The following GREB1 variants were observed in gnomAD, a reference collection of about 807,000 sequenced individuals.
GREB1 encodes growth regulating estrogen receptor binding 1, also known as protein GREB1.
Under a neutral mutation model 200.7 loss-of-function variants are expected in GREB1, and 106 were observed. The ratio of observed to expected loss-of-function variants is 0.53; its 90% CI spans 0.45 to 0.62. The LOEUF (loss-of-function observed/expected upper bound fraction) is 0.62. GREB1 is among the 20% of genes least tolerant of loss of function. GREB1 has a pLI of 0.00. For synonymous variants in GREB1, 1,132 were observed against 1,092.4 expected (o/e 1.04, Z -0.72); for missense variants, 2,243 against 2,556.8 (o/e 0.88, Z 2.65).
rs989194719 is a variant in GREB1 at position 11,600,983 on chromosome 2, C to T, written c.2517C>T (p.Ala839=). The T allele has an allele frequency of 6.2e-7, 1 of 1,610,890 alleles. No individual in the cohort carries two copies. Among genetic ancestry groups the T allele is most frequent in the Non-Finnish European group, 8.5e-7 (1 of 1,177,338 alleles). Residue 839 remains alanine, a synonymous_variant, in exon 16 of 33, where the codon GCC becomes GCT. Coordinates refer to ENST00000381486, the MANE Select transcript of GREB1 (RefSeq NM_014668.4). Reference sequence around the variant, plus strand: ...CCTACAACGAGATCCACTGGCCTGCCTCCTGCAGTAATGTGAGTGCCACGG... The same window carrying T: ...CCTACAACGAGATCCACTGGCCTGCTTCCTGCAGTAATGTGAGTGCCACGG... The part of the protein sequence containing the change: ...ISPYNEIHWP[A]SCSNGVDLYH...
At chr2:11,518,865 G>A (rs934843322) in intron 1 of GREB1, among the ~76,000 whole-genome samples, 2 of 152,034 alleles carry the variant, frequency 1.3e-5, no homozygotes, top group African/African-American at 4.8e-5. Flanking sequence ...TTGGGAGGCC[G>A]AGGCGGGTGG....
intron 9 of GREB1, chr2:11,587,741 A>ACACACAAACACGCGCG: frequency 1.3e-6 from 1 of 772,876 alleles, no homozygotes. Context: ...ACACACACAC[A>ACACACAAACACGCGCG]CGCCACCTTT....
chr2:11,514,133 A>G (rs1047866116), intron 1 of GREB1, among the ~76,000 whole-genome samples: 2 of 152,222 alleles, frequency 1.3e-5, no homozygotes, highest in Non-Finnish European at 2.9e-5. Context: ...ACAAAAGGCA[A>G]TGGAAAAGAA....
Position 11,562,569 on chromosome 2 carries a change from C to A in GREB1, c.264C>A (p.Cys88Ter). The A allele has an allele frequency of 6.3e-7, 1 of 1,593,236 alleles. No individual in the cohort carries two copies. ...PFQLHPLPEG[C>*]CTTDGFCQAG... is the part of the protein sequence containing the mutation. ...AGCTGCACCCTCTGCCTGAAGGATG[C>A]TGTACCACAGACGGTGAGCCTCTGC... is the stretch of plus-strand genomic sequence containing the variant. The change falls in exon 3 of 33, where the codon TGC becomes TGA. Residue 88 changes from cysteine (C) to a stop codon, truncating the protein, a stop_gained. Coordinates refer to ENST00000381486, the MANE Select transcript of GREB1 (RefSeq NM_014668.4). LOFTEE classifies it high-confidence loss of function.
At chr2:11,525,840 C>T (rs1479466037) in intron 1 of GREB1, among the ~76,000 whole-genome samples, 3 of 152,196 alleles carry the variant, frequency 2.0e-5, no homozygotes, top group African/African-American at 4.8e-5. Context: ...GAACTCACCT[C>T]CTGCCTGGAC....
intron 1 of GREB1, among the ~76,000 whole-genome samples, chr2:11,487,145 G>A (rs1672673876): frequency 1.3e-5 from 2 of 151,878 alleles, no homozygotes; most frequent in Non-Finnish European, 2.9e-5. Flanking sequence ...TCAGTATTTC[G>A]CTAGTGGATG....
chr2:11,575,784 C>T lies in GREB1; in HGVS notation c.455-569C>T, dbSNP rs375536417. 1.5e-4 allele frequency among the ~76,000 whole-genome samples: 23 copies of T among 152,316 alleles called. No individual in the cohort carries two copies. The East Asian group carries it at 4.4e-3, about 29-fold the overall frequency. Reference sequence around the variant, plus strand: ...TTGCTTTGAGAGTCTGTAACTAACCCACCCCCACGGAAATAAGAGCCTGTC... The same window carrying T: ...TTGCTTTGAGAGTCTGTAACTAACCTACCCCCACGGAAATAAGAGCCTGTC... On this transcript the variant is annotated intron_variant, in intron 4 of 32. Coordinates refer to ENST00000381486, the MANE Select transcript of GREB1 (RefSeq NM_014668.4).
At chr2:11,504,524 A>G (rs1673127546) in intron 1 of GREB1, among the ~76,000 whole-genome samples, 1 of 152,218 alleles carries the variant, frequency 6.6e-6, no homozygotes, top group Admixed American at 6.5e-5. Context: ...TCCTGCATCT[A>G]TGAGCGAGTA....
At chr2:11,499,152 A>C (rs1672962909) in intron 1 of GREB1, among the ~76,000 whole-genome samples, 1 of 152,022 alleles carries the variant, frequency 6.6e-6, no homozygotes, top group Non-Finnish European at 1.5e-5. Flanking sequence ...CTCCATTCTT[A>C]CTCCAGTTGG....
upstream of GREB1, among the ~76,000 whole-genome samples, chr2:11,530,697 G>C (rs62120189): frequency 6.6e-6 from 1 of 152,124 alleles, no homozygotes; most frequent in Non-Finnish European, 1.5e-5. Context: ...GGACAAGAAG[G>C]GGACTTCAAA....
chr2:11,538,607 G>GTGTT, intron 1 of GREB1, among the ~76,000 whole-genome samples: 1 of 144,782 alleles, frequency 6.9e-6, no homozygotes, highest in East Asian at 2.1e-4. Context: ...ACAGGAGCTT[G>GTGTT]TGTTTCTTTC....
chr2:11,587,769 G>A (rs372806946), intron 9 of GREB1: 14 of 1,115,554 alleles, frequency 1.3e-5, no homozygotes, highest in East Asian at 1.1e-4. Flanking sequence ...CAGCAGCCCC[G>A]AGAGGATTTG....
intron 26 of GREB1, among the ~76,000 whole-genome samples, chr2:11,631,143 A>G (rs750324521): frequency 1.3e-4 from 20 of 152,192 alleles, no homozygotes; most frequent in Non-Finnish European, 2.4e-4. Context: ...GGAGCTGGCC[A>G]TGAGCACCAG....
At chr2:11,570,198 C>T (rs1678121878) in intron 4 of GREB1, among the ~76,000 whole-genome samples, 1 of 151,890 alleles carries the variant, frequency 6.6e-6, no homozygotes, top group African/African-American at 2.4e-5. Context: ...CACCTGAGGC[C>T]AGGAGTTTGA....
At position 11,592,890 on chromosome 2, in the gene GREB1, C is replaced by G; in HGVS notation, c.1460C>G (p.Pro487Arg). The G allele has an allele frequency of 6.3e-7, 1 of 1,597,872 alleles. No individual in the cohort carries two copies. The highest frequency in any genetic ancestry group is 8.5e-7 in the Non-Finnish European group (1 of 1,173,066). ...CAGCAGGCGCCGCCGCAGCCCTTCC[C>G]GCCCGCGCCCAGCGCCGCGGCACCC... Reference protein sequence around the residue: ...QYQQAPPQPFPPAPSAAAPVT... With the variant: ...QYQQAPPQPFRPAPSAAAPVT... Residue 487 changes from proline (P) to arginine (R), a missense_variant, in exon 11 of 33, where the codon CCG (proline) becomes CGG (arginine). Around this residue, in one of 3 missense-constraint regions of GREB1, gnomAD observed 1,178 missense variants for 1,387.4 expected, o/e 0.85. Transcript: ENST00000381486.
intron 1 of GREB1, among the ~76,000 whole-genome samples, chr2:11,519,092 G>A (rs1334901468): frequency 5.6e-5 from 8 of 141,846 alleles, no homozygotes; most frequent in Admixed American, 2.2e-4. Flanking sequence ...ATGAGACTCC[G>A]TCTCAGAAAA....
intron 1 of GREB1, among the ~76,000 whole-genome samples, chr2:11,516,314 G>A (rs1367740284): frequency 2.8e-5 from 3 of 107,928 alleles, no homozygotes; most frequent in Non-Finnish European, 5.4e-5. Context: ...TCCTGCAGGT[G>A]TGTGTGTGTG....
Position 11,598,794 on chromosome 2 carries a change from A to C in GREB1, c.2267A>C (p.Asn756Thr), listed in dbSNP as rs370221339. ...ACAAAATTTAAGGCTTTTCTGCAAA[A>C]CTCCTTCCAGAACCCGCATACACTT... ...AQTKFKAFLQ[N>T]SFQNPHTLFV... Residue 756 changes from asparagine to threonine, a missense_variant, in exon 15 of 33, where the codon AAC becomes ACC. By Grantham distance (65) the Asn-to-Thr change is moderately conservative. Transcript: ENST00000381486. 20 of 1,613,934 alleles carry C rather than the reference A, an allele frequency of 1.2e-5. 1 individual carries two copies. The highest frequency in any genetic ancestry group is 1.6e-5 in the Non-Finnish European group (19 of 1,179,994).
At position 11,637,866 on chromosome 2, in the gene GREB1, C is replaced by T. The variant is rs1203987887; in HGVS notation, c.5497C>T (p.His1833Tyr). Residue 1833 changes from histidine to tyrosine, a missense_variant, in exon 31 of 33, where the codon CAT becomes TAT. Physicochemically the swap from His to Tyr is moderately conservative, Grantham distance 83. Transcript: ENST00000381486. ...CTTCTTCCCGCTGTCCCTGAAGAAC[C>T]ATGACCACCCAGTGCTGTCTGTCGA... is the stretch of plus-strand genomic sequence containing the variant. ...HLFFPLSLKN[H>Y]DHPVLSVDCY... 6.2e-7 allele frequency: 1 copy of T among 1,614,220 alleles called. No individual in the cohort carries two copies. Among genetic ancestry groups the T allele is most frequent in the Admixed American group, 1.7e-5 (1 of 60,034 alleles).
Sources: gnomAD v4.1 joint callset for allele counts (sites outside exome capture counted in the v4.1 genomes callset) on GRCh38, gnomAD v4.1.1 for gene constraint, gnomAD v4.1.1 regional missense constraint, MANE v1.5 for transcripts, NCBI Gene and HGNC (gene_info 2026-07-23, HGNC 2026-07-21) for gene names.